LRP1B: variants seen among roughly 807,000 people sequenced by gnomAD.
The protein encoded by LRP1B is low-density lipoprotein receptor-related protein 1B.
A neutral mutation model predicts 556.6 loss-of-function variants in LRP1B; 217 were observed. The observed-to-expected ratio is 0.39, with a 90% CI of 0.35 to 0.44. LRP1B has a LOEUF of 0.44. Ranked by LOEUF, LRP1B falls within the 20% of genes least tolerant of loss-of-function variation. The probability of loss-of-function intolerance (pLI) is 1.00; values close to 1 mark genes in which losing one functional copy is unlikely to be tolerated. For missense variants in LRP1B, 5,053 were observed against 5,620.8 expected, an observed-to-expected ratio of 0.90 and a Z score of 3.23; for synonymous variants, 2,047 against 1,865.8, an observed-to-expected ratio of 1.10 and a Z score of -2.50.
chr2:140,627,431 G>A (rs499085), intron 41 of LRP1B, among the ~76,000 whole-genome samples: 68,532 of 151,442 alleles, frequency 0.45, 16,282 homozygotes, highest in African/African-American at 0.61. Flanking sequence ...TCCTGCCCTC[G>A]AACATCGGTC....
intron 84 of LRP1B, among the ~76,000 whole-genome samples, chr2:140,285,140 G>T (rs1313142500): frequency 2.0e-5 from 3 of 147,572 alleles, no homozygotes; most frequent in Non-Finnish European, 4.5e-5. Flanking sequence ...TGTGTGTGTA[G>T]ATACACATGT....
chr2:140,850,112 AAC>A lies in LRP1B; in HGVS notation c.4927_4928del (p.Val1643TyrfsTer19), dbSNP rs1240473945. Reference protein sequence around the residue: ...AFINGTGLETVISRDIQSIRG... With the variant: ...AFINGTGLETXISRDIQSIRG... ...GTACGAATCTTTTACCTCTTGAAAT[AAC>A]AGTTTCTAACCCAGTTCCGTTAATA... On this transcript the variant is annotated frameshift_variant, in exon 29 of 91. Coordinates refer to ENST00000389484, the MANE Select transcript of LRP1B (RefSeq NM_018557.3). LOFTEE classifies it high-confidence loss of function. 6 of 1,600,884 alleles carry A rather than the reference AAC, an allele frequency of 3.7e-6. No homozygotes were observed.
chr2:140,582,203 A>G (rs1350547450), intron 43 of LRP1B, among the ~76,000 whole-genome samples: 1 of 152,180 alleles, frequency 6.6e-6, no homozygotes, highest in Non-Finnish European at 1.5e-5. Context: ...GACTACAATA[A>G]TTATTCTCAA....
At chr2:141,690,391 CTATAAATATATATATA>C (rs1691472428) in intron 2 of LRP1B, among the ~76,000 whole-genome samples, 1 of 14,268 alleles carries the variant, frequency 7.0e-5, no homozygotes, top group African/African-American at 3.7e-4. Flanking sequence ...GGGATTACAT[CTATAAATATATATATA>C]TATATATATA....
chr2:140,528,838 A>C (rs1340382678), intron 47 of LRP1B, among the ~76,000 whole-genome samples: 1 of 152,056 alleles, frequency 6.6e-6, no homozygotes, highest in Non-Finnish European at 1.5e-5. Context: ...TCTCTTGCCA[A>C]AACCTCTTTC....
At chr2:141,232,703 C>T (rs1417325253) in intron 5 of LRP1B, among the ~76,000 whole-genome samples, 1 of 152,088 alleles carries the variant, frequency 6.6e-6, no homozygotes. Context: ...CATAATCTAA[C>T]AGGGTTTGAT....
chr2:142,105,081 A>G (rs1017507631), intron 1 of LRP1B, among the ~76,000 whole-genome samples: 2 of 152,184 alleles, frequency 1.3e-5, no homozygotes, highest in African/African-American at 4.8e-5. Flanking sequence ...AAGGAGGCTC[A>G]TAGGCTGATG....
intron 66 of LRP1B, among the ~76,000 whole-genome samples, chr2:140,399,405 T>G (rs933143204): frequency 1.3e-5 from 2 of 152,154 alleles, no homozygotes; most frequent in African/African-American, 2.4e-5. Flanking sequence ...GTGTAAAGCA[T>G]TTAATTATTT....
chr2:140,871,593 G>T (rs954456017), intron 25 of LRP1B, among the ~76,000 whole-genome samples: 1 of 151,778 alleles, frequency 6.6e-6, no homozygotes, highest in Non-Finnish European at 1.5e-5. Context: ...CAAACAATTG[G>T]TTTCTATTAG....
intron 77 of LRP1B, among the ~76,000 whole-genome samples, chr2:140,341,535 A>G (rs1681389769): frequency 6.6e-6 from 1 of 151,524 alleles, no homozygotes; most frequent in African/African-American, 2.4e-5. Context: ...TAATAATAAT[A>G]TAAGTAGTGT....
chr2:141,023,733 G>A (rs1698135513), intron 11 of LRP1B, among the ~76,000 whole-genome samples: 1 of 151,926 alleles, frequency 6.6e-6, no homozygotes, highest in African/African-American at 2.4e-5. Context: ...CTCCAGAAAT[G>A]ATCCATAGAT....
At chr2:140,806,375 A>G (rs992310671) in intron 32 of LRP1B, among the ~76,000 whole-genome samples, 1 of 152,228 alleles carries the variant, frequency 6.6e-6, no homozygotes, top group African/African-American at 2.4e-5. Context: ...ATATCATGGC[A>G]AATACAACTT....
At chr2:141,601,381 A>G (rs77609760) in intron 2 of LRP1B, among the ~76,000 whole-genome samples, 6,792 of 152,276 alleles carry the variant, frequency 0.045, 208 homozygotes, top group Non-Finnish European at 0.067. Flanking sequence ...ATGTGCAATT[A>G]TGGATTCAAC....
intron 18 of LRP1B, among the ~76,000 whole-genome samples, chr2:140,977,383 G>A (rs1696632629): frequency 6.6e-6 from 1 of 152,052 alleles, no homozygotes; most frequent in Admixed American, 6.6e-5. Flanking sequence ...TTTGTAAATT[G>A]TCCAGTCTAC....
At chr2:141,195,145 G>A (rs1019349758) in intron 6 of LRP1B, among the ~76,000 whole-genome samples, 2 of 152,082 alleles carry the variant, frequency 1.3e-5, no homozygotes, top group Non-Finnish European at 2.9e-5. Context: ...AGTCACAAAA[G>A]GCATTGTAAC....
intron 18 of LRP1B, among the ~76,000 whole-genome samples, chr2:140,968,513 T>TG (rs35163884): frequency 0.54 from 81,255 of 150,166 alleles, 23,405 homozygotes; most frequent in Non-Finnish European, 0.64. Flanking sequence ...GTTTTTTTTT[T>TG]TGTGTCTCTA....
chr2:140,913,176 T>A (rs115669252), intron 21 of LRP1B, among the ~76,000 whole-genome samples: 4,116 of 152,060 alleles, frequency 0.027, 170 homozygotes, highest in African/African-American at 0.094. Flanking sequence ...TATTTATTTC[T>A]CTAACAGTGT....
chr2:141,385,521 G>A (rs532184529), intron 3 of LRP1B, among the ~76,000 whole-genome samples: 24 of 152,000 alleles, frequency 1.6e-4, no homozygotes, highest in Non-Finnish European at 3.1e-4. Context: ...AATATGTAAT[G>A]GGTTTATTGC....
chr2:141,829,400 CA>C (rs1040083246), intron 1 of LRP1B, among the ~76,000 whole-genome samples: 5 of 151,036 alleles, frequency 3.3e-5, no homozygotes, highest in African/African-American at 4.9e-5. Context: ...TGAGATTTTC[CA>C]AAAAAAAATT....
Sources: allele counts gnomAD v4.1 joint callset (sites outside exome capture counted in the v4.1 genomes callset), GRCh38; gene constraint gnomAD v4.1.1; transcripts MANE v1.5; gene names NCBI Gene and HGNC (gene_info 2026-07-23, HGNC 2026-07-21).